Variants in SPCS2 observed in about 807,000 individuals in gnomAD.
SPCS2 encodes SPase 25 kDa subunit.
In SPCS2, 3 loss-of-function variants were observed where a neutral mutation model predicts 22.3. The observed-to-expected ratio is 0.13, with a 90% CI of 0.06 to 0.35. SPCS2 has a LOEUF of 0.35. Ranked by LOEUF, SPCS2 falls within the 10% of genes least tolerant of loss-of-function variation. The pLI is 1.00. For synonymous variants in SPCS2, 67 were observed against 97.2 expected (o/e 0.69, Z 1.83); for missense variants, 169 against 280.9 (o/e 0.60, Z 2.85).
chr11:74,957,242 C>G (rs1948485172), intron 1 of SPCS2, among the ~76,000 whole-genome samples: 1 of 151,858 alleles, frequency 6.6e-6, no homozygotes. Flanking sequence ...TTATTTTTTT[C>G]TTTTAAAAGA....
At chr11:74,964,347 C>T (rs1948531858) in intron 1 of SPCS2, among the ~76,000 whole-genome samples, 1 of 152,164 alleles carries the variant, frequency 6.6e-6, no homozygotes, top group Non-Finnish European at 1.5e-5. Flanking sequence ...ACTTTCTAAA[C>T]CTCTATAGAT....
At chr11:74,972,832 A>G (rs1948592571) in intron 4 of SPCS2, among the ~76,000 whole-genome samples, 1 of 150,842 alleles carries the variant, frequency 6.6e-6, no homozygotes, top group Non-Finnish European at 1.5e-5. Context: ...ATCTCATTTC[A>G]TTTATAGCAT....
chr11:74,969,753 G>A (rs1338159370), intron 4 of SPCS2, 54 bp downstream of exon 4: 2 of 1,604,574 alleles, frequency 1.2e-6, no homozygotes, highest in Non-Finnish European at 1.7e-6. Context: ...GCCCTGGCAT[G>A]TTGTCATTAT....
chr11:74,960,324 C>G (rs1241097437), intron 1 of SPCS2, among the ~76,000 whole-genome samples: 1 of 152,060 alleles, frequency 6.6e-6, no homozygotes, highest in Non-Finnish European at 1.5e-5. Context: ...GAGTAAGACT[C>G]TGTCTCAAAA....
At chr11:74,952,184 A>G (rs1037262435) in intron 1 of SPCS2, among the ~76,000 whole-genome samples, 2 of 152,170 alleles carry the variant, frequency 1.3e-5, no homozygotes, top group Non-Finnish European at 2.9e-5. Flanking sequence ...TGTATAATAT[A>G]TAATAAAAAG....
At chr11:74,976,785 T>C (rs1428650151) in intron 4 of SPCS2, 72 bp from the exon 5 acceptor site, 3 of 1,584,210 alleles carry the variant, frequency 1.9e-6, no homozygotes, top group East Asian at 2.2e-5. Context: ...TCGGAAACAC[T>C]TGGTGCCGTA....
chr11:74,959,641 G>T (rs760471839), intron 1 of SPCS2, among the ~76,000 whole-genome samples: 2 of 152,142 alleles, frequency 1.3e-5, no homozygotes, highest in South Asian at 4.1e-4. Flanking sequence ...GAACTCAAGC[G>T]ATCCTTCCAC....
At chr11:74,973,274 G>A (rs76462276) in intron 4 of SPCS2, among the ~76,000 whole-genome samples, 1,946 of 152,038 alleles carry the variant, frequency 0.013, 49 homozygotes, top group African/African-American at 0.044. Context: ...TCTTCTTTGC[G>A]GTTAAACACA....
At chr11:74,972,380 A>G (rs953201920) in intron 4 of SPCS2, among the ~76,000 whole-genome samples, 9 of 152,138 alleles carry the variant, frequency 5.9e-5, no homozygotes, top group Admixed American at 5.9e-4. Flanking sequence ...AGTTATTCTT[A>G]AAAGCATTTA....
At chr11:74,975,717 A>G (rs1486080083) in intron 4 of SPCS2, among the ~76,000 whole-genome samples, 1 of 152,244 alleles carries the variant, frequency 6.6e-6, no homozygotes, top group Non-Finnish European at 1.5e-5. Flanking sequence ...TAGACCAACA[A>G]TTATTGAGGA....
chr11:74,963,398 T>C (rs1565486058), intron 1 of SPCS2, among the ~76,000 whole-genome samples: 3 of 152,110 alleles, frequency 2.0e-5, no homozygotes, highest in African/African-American at 4.8e-5. Flanking sequence ...TTATTTCTTC[T>C]AACAAACTTC....
At chr11:74,954,070 T>A (rs1948462473) in intron 1 of SPCS2, among the ~76,000 whole-genome samples, 1 of 152,268 alleles carries the variant, frequency 6.6e-6, no homozygotes. Context: ...CATGTCTCTA[T>A]TACCTCTGCA....
At chr11:74,953,247 A>T (rs1190010614) in intron 1 of SPCS2, among the ~76,000 whole-genome samples, 2 of 149,950 alleles carry the variant, frequency 1.3e-5, no homozygotes, top group Non-Finnish European at 3.0e-5. Flanking sequence ...CAGAGTCTCG[A>T]TTTGTCGCAA....
chr11:74,949,533 C>T (rs1214737950), intron 1 of SPCS2, 134 bp downstream of exon 1: 2 of 785,808 alleles, frequency 2.5e-6, no homozygotes, highest in Non-Finnish European at 4.3e-6. Context: ...TATCACAACC[C>T]TACGCACGCT....
intron 1 of SPCS2, among the ~76,000 whole-genome samples, chr11:74,955,851 A>AAAAT (rs1488259033): frequency 1.8e-5 from 1 of 55,594 alleles, no homozygotes. Context: ...TACTAATTAA[A>AAAAT]ATATATATAT....
chr11:74,974,808 G>C (rs1948606070), intron 4 of SPCS2, among the ~76,000 whole-genome samples: 2 of 152,056 alleles, frequency 1.3e-5, no homozygotes, highest in Admixed American at 1.3e-4. Context: ...TAGAGACGGG[G>C]TTTCACCATG....
At chr11:74,970,642 A>G (rs2140220348) in intron 4 of SPCS2, among the ~76,000 whole-genome samples, 1 of 152,316 alleles carries the variant, frequency 6.6e-6, no homozygotes, top group South Asian at 2.1e-4. Flanking sequence ...CAACTTGTAG[A>G]AGCGCCTATG....
intron 4 of SPCS2, among the ~76,000 whole-genome samples, chr11:74,970,014 A>G (rs1369831431): frequency 1.3e-5 from 2 of 152,250 alleles, no homozygotes; most frequent in African/African-American, 4.8e-5. Context: ...GAAGAATTCC[A>G]TTAGCTTCTG....
intron 4 of SPCS2, 72 bp from the exon 5 acceptor site, chr11:74,976,785 T>G: frequency 3.2e-6 from 5 of 1,584,212 alleles, no homozygotes; most frequent in Non-Finnish European, 4.3e-6. Context: ...TCGGAAACAC[T>G]TGGTGCCGTA....
Sources: gnomAD v4.1 joint callset for allele counts (sites outside exome capture counted in the v4.1 genomes callset) on GRCh38, gnomAD v4.1.1 for gene constraint, MANE v1.5 for transcripts, NCBI Gene and HGNC (gene_info 2026-07-23, HGNC 2026-07-21) for gene names.